The following C1QTNF3 variants were observed in gnomAD, a reference collection of about 807,000 sequenced individuals.
The protein encoded by C1QTNF3 is C1q and TNF related 3, also known as complement C1q tumor necrosis factor-related protein 3.
Under a neutral mutation model 32.6 loss-of-function variants are expected in C1QTNF3, and 26 were observed. That is an observed-to-expected ratio of 0.80 (90% CI 0.58 to 1.11). The LOEUF (loss-of-function observed/expected upper bound fraction) is 1.11. Ranked by LOEUF, C1QTNF3 falls within the 50% of genes least tolerant of loss-of-function variation. C1QTNF3 has a pLI of 0.00. For missense variants in C1QTNF3, 362 were observed against 398.2 expected (o/e 0.91, Z 0.77); for synonymous variants, 155 against 146.0 (o/e 1.06, Z -0.44).
chr5:34,226,763 T>C, the C1QTNF3 span, among the ~76,000 whole-genome samples: 13 of 150,758 alleles, frequency 8.6e-5, no homozygotes, highest in Non-Finnish European at 7.5e-5. Flanking sequence ...TTTCGTATGC[T>C]GTATGTATTT....
At chr5:34,078,390 T>A in the C1QTNF3 span, among the ~76,000 whole-genome samples, 2 of 142,026 alleles carry the variant, frequency 1.4e-5, no homozygotes, top group South Asian at 2.2e-4. This position sits in a 1 kb window ranked among gnomAD's most constrained non-coding sequence, Gnocchi z 4.0. Flanking sequence ...CAGTTCCACA[T>A]GTCTTGGGAG....
the C1QTNF3 span, among the ~76,000 whole-genome samples, chr5:34,213,368 C>A: frequency 6.6e-6 from 1 of 151,736 alleles, no homozygotes; most frequent in Admixed American, 6.6e-5. Flanking sequence ...TTAATGATTG[C>A]GTAAATATTT....
At chr5:34,091,417 C>T in the C1QTNF3 span, among the ~76,000 whole-genome samples, 2 of 152,244 alleles carry the variant, frequency 1.3e-5, no homozygotes, top group Non-Finnish European at 2.9e-5. Flanking sequence ...ACCACCACCA[C>T]TACTAGTTCT....
chr5:34,220,216 T>C, the C1QTNF3 span, among the ~76,000 whole-genome samples: 1 of 152,094 alleles, frequency 6.6e-6, no homozygotes, highest in Non-Finnish European at 1.5e-5. Context: ...AAATATACAA[T>C]AAATAATATA....
At chr5:34,022,204 C>T (rs1020059200) in intron 5 of C1QTNF3, among the ~76,000 whole-genome samples, 4 of 152,128 alleles carry the variant, frequency 2.6e-5, no homozygotes, top group Admixed American at 1.3e-4. Context: ...AGAGTAAAAT[C>T]GAGTAAAAAA....
chr5:34,134,286 C>G, the C1QTNF3 span, among the ~76,000 whole-genome samples: 1 of 151,774 alleles, frequency 6.6e-6, no homozygotes, highest in Non-Finnish European at 1.5e-5. Flanking sequence ...GGTCTCCTTG[C>G]AAACCATTTG....
chr5:34,043,274 T>C, upstream of C1QTNF3: 1 of 762,246 alleles, frequency 1.3e-6, no homozygotes, highest in Non-Finnish European at 2.1e-6. Context: ...GCTGTAGGCA[T>C]GCCAGAGTGA....
the C1QTNF3 span, among the ~76,000 whole-genome samples, chr5:34,066,203 G>A: frequency 6.6e-6 from 1 of 152,112 alleles, no homozygotes; most frequent in African/African-American, 2.4e-5. Context: ...TTGTCTTTCT[G>A]CTGGGAGACT....
chr5:34,139,720 ATT>A, the C1QTNF3 span, among the ~76,000 whole-genome samples: 1 of 152,180 alleles, frequency 6.6e-6, no homozygotes, highest in Non-Finnish European at 1.5e-5. Flanking sequence ...TAGAATCACT[ATT>A]TCTCTCTGCA....
chr5:34,084,315 T>C, the C1QTNF3 span, among the ~76,000 whole-genome samples: 1 of 151,732 alleles, frequency 6.6e-6, no homozygotes, highest in Non-Finnish European at 1.5e-5. Flanking sequence ...GCAAAGATAA[T>C]TACAGACAAA....
the C1QTNF3 span, among the ~76,000 whole-genome samples, chr5:34,207,981 G>A: frequency 3.3e-5 from 5 of 151,912 alleles, no homozygotes; most frequent in African/African-American, 7.3e-5. Flanking sequence ...TAGTAGAGAC[G>A]GGGTTTCACC....
At position 34,024,283 on chromosome 5, in the gene C1QTNF3, C is replaced by T; in HGVS notation, c.701-275G>A. On this transcript the variant is annotated intron_variant, in intron 4 of 5. Transcript: ENST00000382065. ...TAACTGTATCTCACTGCCTTGTACCCTGACAAAGTGCTTAGGGCAAAGTAG... is the reference window on the plus strand; with the variant it reads ...TAACTGTATCTCACTGCCTTGTACCTTGACAAAGTGCTTAGGGCAAAGTAG... 3 of 317,204 alleles carry T rather than the reference C, an allele frequency of 9.5e-6. No individual in the cohort carries two copies. The South Asian group carries it at 1.2e-4, about 12-fold the overall frequency. The allele number at this position is 317,204 out of a possible 1,614,324, so 19.6% of individuals were successfully genotyped here. A position where few individuals can be genotyped will look rare whatever the true frequency, so the allele number is the denominator to read the frequency against.
At chr5:34,109,378 C>T in the C1QTNF3 span, among the ~76,000 whole-genome samples, 6 of 151,770 alleles carry the variant, frequency 4.0e-5, no homozygotes, top group African/African-American at 1.5e-4. Context: ...AAAGATCATG[C>T]ATAGCTTCTT....
At chr5:34,123,430 G>A in the C1QTNF3 span, among the ~76,000 whole-genome samples, 1 of 151,988 alleles carries the variant, frequency 6.6e-6, no homozygotes, top group Non-Finnish European at 1.5e-5. Flanking sequence ...TGAGGTGTGT[G>A]TATTTTAGTT....
chr5:34,070,266 C>A, the C1QTNF3 span, among the ~76,000 whole-genome samples: 1 of 152,128 alleles, frequency 6.6e-6, no homozygotes. Flanking sequence ...CAGTATGAAT[C>A]CCTGAATAAC....
At chr5:34,203,637 G>T in the C1QTNF3 span, among the ~76,000 whole-genome samples, 1 of 151,232 alleles carries the variant, frequency 6.6e-6, no homozygotes, top group Non-Finnish European at 1.5e-5. Flanking sequence ...AGTGAGCCAA[G>T]ATTGCGCCAC....
At chr5:34,026,453 C>T (rs1406075674) in intron 4 of C1QTNF3, among the ~76,000 whole-genome samples, 1 of 96,756 alleles carries the variant, frequency 1.0e-5, no homozygotes, top group Non-Finnish European at 1.9e-5. Context: ...CAAAATCTGC[C>T]AGCAAAAAAA....
the C1QTNF3 span, among the ~76,000 whole-genome samples, chr5:34,108,074 C>T: frequency 6.6e-6 from 1 of 152,022 alleles, no homozygotes; most frequent in East Asian, 1.9e-4. Context: ...TTTTATGAGC[C>T]CCCCCTCTCC....
the C1QTNF3 span, among the ~76,000 whole-genome samples, chr5:34,112,281 C>A: frequency 6.6e-6 from 1 of 152,108 alleles, no homozygotes; most frequent in Non-Finnish European, 1.5e-5. Flanking sequence ...CTGATTATTT[C>A]CAACCAATCA....
Sources: allele counts gnomAD v4.1 joint callset (sites outside exome capture counted in the v4.1 genomes callset), GRCh38; gene constraint gnomAD v4.1.1; non-coding constraint Gnocchi (gnomAD v3.1); transcripts MANE v1.5; gene names NCBI Gene and HGNC (gene_info 2026-07-23, HGNC 2026-07-21).